Variants in RFPL1 observed in about 807,000 individuals in gnomAD.
RFPL1 encodes the protein ret finger protein like 1, also known as ret finger protein-like 1.
In RFPL1, 6 loss-of-function variants were observed where a neutral mutation model predicts 9.6. The ratio of observed to expected loss-of-function variants is 0.62; its 90% CI spans 0.34 to 1.23. RFPL1 has a LOEUF of 1.23. RFPL1 is among the 50% of genes most tolerant of loss of function. The pLI, the probability that RFPL1 is intolerant of heterozygous loss-of-function variation, is 0.03. For synonymous variants in RFPL1, 145 were observed against 149.4 expected, an observed-to-expected ratio of 0.97 and a Z score of 0.22; for missense variants, 352 against 398.4, an observed-to-expected ratio of 0.88 and a Z score of 0.99.
the RFPL1 span, among the ~76,000 whole-genome samples, chr22:29,414,106 A>G: frequency 2.0e-5 from 3 of 152,204 alleles, no homozygotes; most frequent in African/African-American, 7.2e-5. Flanking sequence ...TGACTTTCAC[A>G]GACAATTCTT....
At chr22:29,414,231 T>TCTTTTTC in the RFPL1 span, among the ~76,000 whole-genome samples, 1 of 76,722 alleles carries the variant, frequency 1.3e-5, no homozygotes, top group Non-Finnish European at 2.3e-5. Flanking sequence ...CCCAATTTTT[T>TCTTTTTC]CTTTTTTCGA....
the RFPL1 span, among the ~76,000 whole-genome samples, chr22:29,425,128 C>T: frequency 4.1e-5 from 6 of 146,716 alleles, no homozygotes; most frequent in Non-Finnish European, 7.4e-5. Flanking sequence ...GGCGTGGACC[C>T]GGGAGGTGGA....
At chr22:29,434,127 C>A (rs1411898543), upstream of RFPL1, among the ~76,000 whole-genome samples, 1 of 152,114 alleles carries the variant, frequency 6.6e-6, no homozygotes, top group African/African-American at 2.4e-5. Flanking sequence ...GCTGGTATTA[C>A]TGACATAAGC....
the RFPL1 span, among the ~76,000 whole-genome samples, chr22:29,405,967 G>T: frequency 2.7e-5 from 4 of 150,204 alleles, no homozygotes; most frequent in Non-Finnish European, 4.4e-5. Flanking sequence ...AAATTAGCCG[G>T]GCGCGGTGGC....
chr22:29,409,912 A>T, the RFPL1 span, among the ~76,000 whole-genome samples: 1 of 152,166 alleles, frequency 6.6e-6, no homozygotes. Context: ...CTTACAAATT[A>T]TCTGGTAGTG....
chr22:29,441,469 G>A, intron 1 of RFPL1, 73 bp from the exon 2 acceptor site: 1 of 1,489,784 alleles, frequency 6.7e-7, no homozygotes, highest in Non-Finnish European at 9.1e-7. Flanking sequence ...AGATATTTGG[G>A]CCTTTGAAGT....
chr22:29,411,602 C>T, the RFPL1 span, among the ~76,000 whole-genome samples: 1 of 152,170 alleles, frequency 6.6e-6, no homozygotes, highest in Non-Finnish European at 1.5e-5. Context: ...AAAATTCAGA[C>T]TTGTGTAGAT....
chr22:29,388,091 A>G, the RFPL1 span, among the ~76,000 whole-genome samples: 1 of 152,204 alleles, frequency 6.6e-6, no homozygotes, highest in Admixed American at 6.5e-5. Flanking sequence ...CAGGATGGCC[A>G]TGGAGGTGAG....
chr22:29,401,864 C>A, the RFPL1 span, among the ~76,000 whole-genome samples: 3 of 152,216 alleles, frequency 2.0e-5, no homozygotes, highest in African/African-American at 7.2e-5. Flanking sequence ...CGTTTTCATT[C>A]CAGGTTGATT....
chr22:29,402,801 C>T, the RFPL1 span, among the ~76,000 whole-genome samples: 7 of 143,906 alleles, frequency 4.9e-5, no homozygotes, highest in East Asian at 4.1e-4. Flanking sequence ...TAACAACCCC[C>T]GCCCCCCTGC....
chr22:29,425,321 T>C, the RFPL1 span, among the ~76,000 whole-genome samples: 8 of 152,170 alleles, frequency 5.3e-5, no homozygotes, highest in Non-Finnish European at 8.8e-5. Context: ...ACGCTGAACC[T>C]TGGTAAACCT....
At chr22:29,416,313 G>A in the RFPL1 span, among the ~76,000 whole-genome samples, 6 of 152,282 alleles carry the variant, frequency 3.9e-5, no homozygotes, top group South Asian at 6.2e-4. Flanking sequence ...AATGCCCACC[G>A]GAGTCAGGGG....
chr22:29,399,047 G>T, the RFPL1 span, among the ~76,000 whole-genome samples: 1 of 152,116 alleles, frequency 6.6e-6, no homozygotes. Context: ...CGTGTTAAGG[G>T]CACAGGTATT....
intron 1 of RFPL1, chr22:29,440,684 T>C (rs2062834084): frequency 6.6e-6 from 1 of 152,218 alleles, no homozygotes. Flanking sequence ...GCCATTCTCC[T>C]GCCTCAGTCT....
the RFPL1 span, among the ~76,000 whole-genome samples, chr22:29,406,119 AAAAAAAAAAAAAAAAAAAAAAAAAAAAT>A: frequency 1.5e-4 from 5 of 33,812 alleles, no homozygotes; most frequent in Non-Finnish European, 2.2e-4. Context: ...CCTTCTCAAA[AAAAAAAAAAAAAAAAAAAAAAAAAAAAT>A]AAAAAAAAAG....
the RFPL1 span, among the ~76,000 whole-genome samples, chr22:29,406,413 TCTA>T: frequency 6.6e-6 from 1 of 152,092 alleles, no homozygotes; most frequent in Non-Finnish European, 1.5e-5. Flanking sequence ...ATAGCAGAGA[TCTA>T]CTAACATTCC....
chr22:29,396,730 T>C, the RFPL1 span, among the ~76,000 whole-genome samples: 10 of 151,904 alleles, frequency 6.6e-5, no homozygotes, highest in African/African-American at 2.4e-4. Flanking sequence ...CCTCCTGCCT[T>C]GGCCTCCCAA....
the RFPL1 span, among the ~76,000 whole-genome samples, chr22:29,394,168 T>C: frequency 6.6e-6 from 1 of 152,220 alleles, no homozygotes; most frequent in African/African-American, 2.4e-5. Context: ...CGATTTGAGC[T>C]GGCTGGTGGA....
chr22:29,407,904 GTTAT>G, the RFPL1 span, among the ~76,000 whole-genome samples: 6 of 152,048 alleles, frequency 3.9e-5, no homozygotes, highest in Admixed American at 3.3e-4. Flanking sequence ...TTCTGCAATC[GTTAT>G]TTATTTTTCC....
Sources: allele counts gnomAD v4.1 joint callset (sites outside exome capture counted in the v4.1 genomes callset), GRCh38; gene constraint gnomAD v4.1.1; transcripts MANE v1.5; gene names NCBI Gene and HGNC (gene_info 2026-07-23, HGNC 2026-07-21).